The following KIF6 variants were observed in gnomAD, a reference collection of about 807,000 sequenced individuals.
KIF6 encodes kinesin family member 6.
A neutral mutation model predicts 112.7 loss-of-function variants in KIF6; 106 were observed. That is an observed-to-expected ratio of 0.94 (90% CI 0.80 to 1.11). KIF6 has a LOEUF of 1.11. Ranked by LOEUF, KIF6 falls within the 50% of genes least tolerant of loss-of-function variation. The pLI, the probability that KIF6 is intolerant of heterozygous loss-of-function variation, is 0.00. For missense variants in KIF6, 929 were observed against 964.0 expected, an observed-to-expected ratio of 0.96 and a Z score of 0.48; for synonymous variants, 339 against 339.9, an observed-to-expected ratio of 1.00 and a Z score of 0.03.
At chr6:39,570,107 T>C (rs953029735) in intron 10 of KIF6, among the ~76,000 whole-genome samples, 1 of 152,236 alleles carries the variant, frequency 6.6e-6, no homozygotes, top group Non-Finnish European at 1.5e-5. Flanking sequence ...TTTATAATAC[T>C]ATGTGTTTGG....
At chr6:39,535,552 G>C (rs1778369099) in intron 13 of KIF6, among the ~76,000 whole-genome samples, 1 of 152,210 alleles carries the variant, frequency 6.6e-6, no homozygotes, top group Non-Finnish European at 1.5e-5. Flanking sequence ...GGAGCACCCA[G>C]ATGCATAAAG....
chr6:39,640,321 G>A (rs530093445), intron 3 of KIF6, among the ~76,000 whole-genome samples: 42 of 152,074 alleles, frequency 2.8e-4, no homozygotes, highest in Admixed American at 5.2e-4. Context: ...CCTGCAGAGC[G>A]GCCCTTGATT....
At chr6:39,542,147 T>A (rs1443833681) in intron 12 of KIF6, among the ~76,000 whole-genome samples, 1 of 152,172 alleles carries the variant, frequency 6.6e-6, no homozygotes, top group South Asian at 2.1e-4. Flanking sequence ...TCATTCTTCA[T>A]ATCATGGGAA....
At chr6:39,560,310 A>G (rs1024774929) in intron 10 of KIF6, among the ~76,000 whole-genome samples, 1 of 152,252 alleles carries the variant, frequency 6.6e-6, no homozygotes, top group African/African-American at 2.4e-5. Context: ...TACATTTTCA[A>G]TTGATTTTAA....
At chr6:39,590,452 T>TATATA (rs1491249480) in intron 7 of KIF6, among the ~76,000 whole-genome samples, 2 of 81,940 alleles carry the variant, frequency 2.4e-5, no homozygotes, top group African/African-American at 9.4e-5. Context: ...TATATATATA[T>TATATA]TTTTTTTTTT....
chr6:39,440,136 G>A (rs1771825963), intron 13 of KIF6, among the ~76,000 whole-genome samples: 1 of 152,080 alleles, frequency 6.6e-6, no homozygotes, highest in South Asian at 2.1e-4. Context: ...AGTGAGAAGG[G>A]GGGTGGATTC....
At chr6:39,581,259 C>A (rs1022939296) in intron 9 of KIF6, among the ~76,000 whole-genome samples, 2 of 149,622 alleles carry the variant, frequency 1.3e-5, no homozygotes, top group African/African-American at 5.0e-5. Context: ...CCTCCGCATT[C>A]CAGGTTCAAG....
chr6:39,692,252 A>G (rs955101007), intron 3 of KIF6, among the ~76,000 whole-genome samples: 2 of 152,238 alleles, frequency 1.3e-5, no homozygotes, highest in Non-Finnish European at 2.9e-5. Context: ...AACCTGGTCA[A>G]TAAAGAACTT....
chr6:39,414,214 C>A (rs553195030), intron 15 of KIF6, among the ~76,000 whole-genome samples: 2 of 152,142 alleles, frequency 1.3e-5, no homozygotes, highest in South Asian at 4.1e-4. Context: ...CAGGCTTTCT[C>A]GAGTCCTTAT....
intron 5 of KIF6, among the ~76,000 whole-genome samples, chr6:39,624,285 G>A (rs1049606737): frequency 3.3e-5 from 5 of 152,140 alleles, no homozygotes. Flanking sequence ...ACTCAAAAGA[G>A]CTAATTGAGA....
chr6:39,493,239 A>C (rs1775576471), intron 13 of KIF6, among the ~76,000 whole-genome samples: 1 of 152,230 alleles, frequency 6.6e-6, no homozygotes, highest in Non-Finnish European at 1.5e-5. Flanking sequence ...TTTAGCACTG[A>C]AAAAGACCTT....
chr6:39,599,510 C>G (rs1782463515), intron 6 of KIF6, among the ~76,000 whole-genome samples: 1 of 152,122 alleles, frequency 6.6e-6, no homozygotes, highest in Non-Finnish European at 1.5e-5. Context: ...AAAATTTGAC[C>G]CATTACTTGT....
Position 39,674,279 on chromosome 6 carries a change from G to T in KIF6, c.252-34522C>A, listed in dbSNP as rs142506239. ...ACAGATGAATTGTATAAATTCAACTGGTATGTCTATGACTTAGCAAGAAAG... is the reference window on the plus strand; with the variant it reads ...ACAGATGAATTGTATAAATTCAACTTGTATGTCTATGACTTAGCAAGAAAG... On this transcript the variant is annotated intron_variant, in intron 3 of 22. Transcript: ENST00000287152. Among the ~76,000 whole-genome samples, 271 of 152,194 alleles carry T rather than the reference G, an allele frequency of 1.8e-3. 3 individuals are homozygous for T. Among genetic ancestry groups the T allele is most frequent in the African/African-American group, 6.2e-3 (259 of 41,510 alleles).
At chr6:39,489,282 A>G (rs1441703302) in intron 13 of KIF6, among the ~76,000 whole-genome samples, 2 of 152,096 alleles carry the variant, frequency 1.3e-5, no homozygotes, top group Admixed American at 1.3e-4. Flanking sequence ...ACAATTTTCC[A>G]AATTTTGTTT....
At chr6:39,595,958 A>G in intron 7 of KIF6, 96 bp downstream of exon 7, 2 of 922,740 alleles carry the variant, frequency 2.2e-6, no homozygotes, top group East Asian at 2.7e-5. Context: ...ATATTTCATC[A>G]TAATAAAAAA....
At chr6:39,377,671 A>G (rs951624651) in intron 16 of KIF6, among the ~76,000 whole-genome samples, 1 of 152,202 alleles carries the variant, frequency 6.6e-6, no homozygotes, top group Admixed American at 6.5e-5. Flanking sequence ...GGTTGGGGGA[A>G]AAGAGCCCTC....
intron 15 of KIF6, among the ~76,000 whole-genome samples, chr6:39,408,158 G>T (rs1769217975): frequency 1.3e-5 from 2 of 152,154 alleles, no homozygotes; most frequent in South Asian, 4.1e-4. Flanking sequence ...AAATGCAAAT[G>T]AAAACAATAA....
chr6:39,547,294 T>A (rs184272532), intron 10 of KIF6, among the ~76,000 whole-genome samples: 1 of 152,216 alleles, frequency 6.6e-6, no homozygotes. Context: ...TATTTACAAG[T>A]GTGAGACAAT....
intron 13 of KIF6, among the ~76,000 whole-genome samples, chr6:39,440,248 T>C (rs1057381655): frequency 6.6e-6 from 1 of 152,058 alleles, no homozygotes; most frequent in Admixed American, 6.5e-5. Flanking sequence ...AGGAAGCTGA[T>C]GATTCACGGT....
Sources: gnomAD v4.1 joint callset for allele counts (sites outside exome capture counted in the v4.1 genomes callset) on GRCh38, gnomAD v4.1.1 for gene constraint, MANE v1.5 for transcripts, NCBI Gene and HGNC (gene_info 2026-07-23, HGNC 2026-07-21) for gene names.